Variants in MAPK10 observed in about 807,000 individuals in gnomAD.
MAPK10 encodes the protein mitogen-activated protein kinase 10, also known as JNK3 alpha protein kinase.
In MAPK10, 25 loss-of-function variants were observed where a neutral mutation model predicts 59.3. That is an observed-to-expected ratio of 0.42 (90% CI 0.31 to 0.59). The LOEUF is 0.59. MAPK10 is among the 20% of genes least tolerant of loss of function. MAPK10 has a pLI of 0.15. For synonymous variants in MAPK10, 190 were observed against 200.5 expected (o/e 0.95, Z 0.44); for missense variants, 351 against 568.9 (o/e 0.62, Z 3.90).
chr4:86,589,452 C>T (rs1762865371), intron 1 of MAPK10, among the ~76,000 whole-genome samples: 1 of 152,120 alleles, frequency 6.6e-6, no homozygotes, highest in South Asian at 2.1e-4. Flanking sequence ...GAGGCCGAGG[C>T]GGGTGGATCA....
At chr4:86,349,460 T>C (rs1443933541) in intron 2 of MAPK10, among the ~76,000 whole-genome samples, 1 of 152,178 alleles carries the variant, frequency 6.6e-6, no homozygotes, top group Non-Finnish European at 1.5e-5. Flanking sequence ...CTGTATGAGG[T>C]ATAAGAAATT....
At chr4:86,081,006 C>T (rs1307007649) in intron 9 of MAPK10, 2 of 151,828 alleles carry the variant, frequency 1.3e-5, no homozygotes, top group African/African-American at 4.8e-5. Context: ...TTTACCTTAC[C>T]TAATATAAGT....
chr4:86,320,182 T>C (rs1052697885), intron 2 of MAPK10, among the ~76,000 whole-genome samples: 7 of 152,224 alleles, frequency 4.6e-5, no homozygotes, highest in Admixed American at 4.6e-4. Flanking sequence ...ATCCGTAAAA[T>C]GTAGCTATCA....
Position 86,015,483 on chromosome 4 carries a change from T to C in MAPK10, c.*1745A>G, listed in dbSNP as rs1317483057. The C allele has an allele frequency of 6.6e-6, 1 of 152,186 alleles. No homozygotes were observed. 9.4% of individuals were successfully genotyped at this position (152,186 alleles called of 1,614,324 possible). On this transcript the variant is annotated 3_prime_UTR_variant, in exon 14 of 14. Transcript: ENST00000641462. ...ACCACTCTAGTGAGCACCAACATGG[T>C]CAGAGTGCAAATAACTGTGATGGAT...
chr4:86,269,881 G>A (rs1364753572), intron 2 of MAPK10, among the ~76,000 whole-genome samples: 1 of 152,026 alleles, frequency 6.6e-6, no homozygotes, highest in African/African-American at 2.4e-5. Context: ...AAGATACTTA[G>A]TAAAAAAGTT....
intron 1 of MAPK10, among the ~76,000 whole-genome samples, chr4:86,474,316 T>C (rs754844553): frequency 6.6e-6 from 1 of 152,214 alleles, no homozygotes; most frequent in Non-Finnish European, 1.5e-5. Context: ...AGTATTAATA[T>C]AGCTTGTATA....
chr4:86,547,452 C>T (rs1049581485), intron 1 of MAPK10, among the ~76,000 whole-genome samples: 5 of 152,240 alleles, frequency 3.3e-5, no homozygotes, highest in African/African-American at 1.2e-4. Flanking sequence ...CCAGCAACTG[C>T]TGTGCTCAAA....
At chr4:86,212,872 A>C (rs920101987) in intron 2 of MAPK10, among the ~76,000 whole-genome samples, 4 of 152,148 alleles carry the variant, frequency 2.6e-5, no homozygotes, top group Non-Finnish European at 5.9e-5. Flanking sequence ...GAACAGCACA[A>C]TAAATGAACA....
chr4:86,358,949 T>A (rs1735848086), intron 1 of MAPK10: 1 of 152,118 alleles, frequency 6.6e-6, no homozygotes. Context: ...ACCCCTTACC[T>A]ATTTGACTGC....
chr4:86,086,749 A>C (rs969689775), intron 9 of MAPK10, among the ~76,000 whole-genome samples: 26 of 152,118 alleles, frequency 1.7e-4, no homozygotes, highest in Non-Finnish European at 4.4e-5. Flanking sequence ...TTTAGGTATA[A>C]TTTTATTGTA....
chr4:86,267,965 C>G (rs539282730), intron 2 of MAPK10, among the ~76,000 whole-genome samples: 3 of 152,196 alleles, frequency 2.0e-5, no homozygotes, highest in Admixed American at 2.0e-4. Flanking sequence ...GCAAGTCTCT[C>G]TATTTTCTTT....
At chr4:86,399,881 GATA>G (rs1386929631) in intron 1 of MAPK10, 2 of 152,038 alleles carry the variant, frequency 1.3e-5, no homozygotes, top group Non-Finnish European at 2.9e-5. Context: ...ATGAAAACTT[GATA>G]ATGACTAAAA....
chr4:86,102,881 T>C (rs866573977), intron 6 of MAPK10: 3 of 187,500 alleles, frequency 1.6e-5, no homozygotes, highest in South Asian at 1.7e-4. Context: ...TATTAATAAA[T>C]ATAAATAAAT....
intron 12 of MAPK10, among the ~76,000 whole-genome samples, chr4:86,030,357 G>A (rs953942498): frequency 1.3e-5 from 2 of 151,940 alleles, no homozygotes; most frequent in Non-Finnish European, 2.9e-5. Context: ...GAGAGGCAGA[G>A]ACTTTCTCTG....
intron 1 of MAPK10, among the ~76,000 whole-genome samples, chr4:86,408,859 C>G (rs1053657900): frequency 6.6e-5 from 10 of 152,120 alleles, no homozygotes; most frequent in Non-Finnish European, 1.5e-4. Flanking sequence ...GTTGCCTGTT[C>G]ACCCTGATGG....
intron 2 of MAPK10, among the ~76,000 whole-genome samples, chr4:86,295,460 C>T (rs1233089500): frequency 1.3e-5 from 2 of 152,022 alleles, no homozygotes; most frequent in African/African-American, 4.8e-5. Flanking sequence ...ATTTTTTTGT[C>T]AGCGTCCCTT....
At chr4:86,488,585 A>G (rs142292030) in intron 1 of MAPK10, among the ~76,000 whole-genome samples, 1 of 152,250 alleles carries the variant, frequency 6.6e-6, no homozygotes, top group African/African-American at 2.4e-5. Flanking sequence ...CCTTTCTTCT[A>G]TTAGTTTTTC....
At position 86,448,940 on chromosome 4, in the gene MAPK10, A is replaced by G. The variant is rs150448991; in HGVS notation, c.-122+4090T>C. 6.1e-3 allele frequency among the ~76,000 whole-genome samples: 923 copies of G among 152,266 alleles called. 7 individuals carry two copies. The highest frequency in any genetic ancestry group is 0.02 in the African/African-American group (824 of 41,554). On this transcript the variant is annotated intron_variant, in intron 1 of 13. Transcript: ENST00000361569. Reference sequence around the variant, plus strand: ...ATTAGATTCTTATAGGTAGCGTGCAACCAAGATCCCTTGCATGCACAGTTC... The same window carrying G: ...ATTAGATTCTTATAGGTAGCGTGCAGCCAAGATCCCTTGCATGCACAGTTC...
chr4:86,052,575 G>A (rs912065463), intron 11 of MAPK10, among the ~76,000 whole-genome samples: 1 of 152,110 alleles, frequency 6.6e-6, no homozygotes, highest in Non-Finnish European at 1.5e-5. Flanking sequence ...GAGCTCCTAA[G>A]AGCAGAGAAA....
Sources: allele counts gnomAD v4.1 joint callset (sites outside exome capture counted in the v4.1 genomes callset), GRCh38; gene constraint gnomAD v4.1.1; transcripts MANE v1.5; gene names NCBI Gene and HGNC (gene_info 2026-07-23, HGNC 2026-07-21).